Variants in CAMTA1 observed in about 807,000 individuals in gnomAD.
CAMTA1 encodes the protein calmodulin binding transcription activator 1.
CAMTA1 carries 27 observed loss-of-function variants against 170.9 expected under a neutral mutation model. The observed-to-expected ratio is 0.16, with a 90% CI of 0.12 to 0.22. The LOEUF is 0.22. CAMTA1 is among the 10% of genes least tolerant of loss of function. CAMTA1 has a pLI of 1.00. For missense variants in CAMTA1, 1,619 were observed against 2,217.2 expected, an observed-to-expected ratio of 0.73 and a Z score of 5.42; for synonymous variants, 833 against 891.5, an observed-to-expected ratio of 0.93 and a Z score of 1.17.
chr1:6,838,899 G>T lies in CAMTA1; in HGVS notation c.234+13689G>T, dbSNP rs956361513. 2.0e-5 allele frequency among the ~76,000 whole-genome samples: 3 copies of T among 152,182 alleles called. No individual in the cohort carries two copies. The East Asian group carries it at 5.8e-4, about 30-fold the overall frequency. ...AGCCTCCTGAATGGTTAGGACTACA[G>T]GCATGGGACACCATGCCTGGCAACG... is the stretch of plus-strand genomic sequence containing the variant. On this transcript the variant is annotated intron_variant, in intron 3 of 22. Transcript: ENST00000303635.
intron 5 of CAMTA1, among the ~76,000 whole-genome samples, chr1:7,387,943 T>C (rs1258671402): frequency 6.6e-6 from 1 of 152,082 alleles, no homozygotes; most frequent in Non-Finnish European, 1.5e-5. Context: ...GTTGGAGCGG[T>C]TTACTGGGGG....
intron 6 of CAMTA1, among the ~76,000 whole-genome samples, chr1:7,470,826 G>A (rs2093316816): frequency 1.3e-5 from 2 of 152,202 alleles, no homozygotes; most frequent in South Asian, 4.1e-4. Context: ...TGCTCCAGCT[G>A]ATGTCACCCA....
intron 6 of CAMTA1, among the ~76,000 whole-genome samples, chr1:7,548,416 G>A (rs556753758): frequency 6.3e-4 from 95 of 149,622 alleles, no homozygotes; most frequent in Middle Eastern, 3.6e-3. Context: ...GGAGGTGCCC[G>A]TGCAGGGTGC....
intron 4 of CAMTA1, among the ~76,000 whole-genome samples, chr1:7,162,228 G>C (rs1311469308): frequency 1.3e-5 from 2 of 152,188 alleles, no homozygotes; most frequent in African/African-American, 4.8e-5. Context: ...ATAGGTCATG[G>C]TAGGGAGCTA....
chr1:6,799,502 T>A lies in CAMTA1; in HGVS notation c.45+13927T>A, dbSNP rs572933058. ...CCTTTCTCTCCATGGCCTCCATACC[T>A]TCTTTTACCAGATGGTATTTCTGCA... On this transcript the variant is annotated intron_variant, in intron 1 of 22. Transcript: ENST00000303635. 1.1e-4 allele frequency among the ~76,000 whole-genome samples: 16 copies of A among 152,336 alleles called. No individual in the cohort carries two copies. In the Middle Eastern group the frequency reaches 0.014, roughly 130 times the overall value.
At chr1:6,947,849 A>G (rs1687826758) in intron 3 of CAMTA1, among the ~76,000 whole-genome samples, 2 of 152,082 alleles carry the variant, frequency 1.3e-5, no homozygotes, top group South Asian at 2.1e-4. Flanking sequence ...TGGAAATGCA[A>G]TTGATTTTTG....
chr1:6,976,250 G>A (rs1452862632), intron 3 of CAMTA1, among the ~76,000 whole-genome samples: 1 of 152,240 alleles, frequency 6.6e-6, no homozygotes, highest in Non-Finnish European at 1.5e-5. Context: ...CCGGAGAAGT[G>A]TGACTGCATG....
intron 5 of CAMTA1, among the ~76,000 whole-genome samples, chr1:7,265,993 G>A (rs1382460184): frequency 6.6e-6 from 1 of 152,242 alleles, no homozygotes; most frequent in East Asian, 1.9e-4. Context: ...GTAAGAAAGT[G>A]GAGCTCTCTT....
intron 3 of CAMTA1, among the ~76,000 whole-genome samples, chr1:6,889,261 ACT>A (rs1349153509): frequency 1.3e-5 from 2 of 152,178 alleles, no homozygotes; most frequent in Non-Finnish European, 2.9e-5. Flanking sequence ...ATAATCTTAC[ACT>A]CTTATGAAAG....
rs2149311469 is a variant in CAMTA1, at chr1:7,251,279, T to C, written c.438+1653T>C. On this transcript the variant is annotated intron_variant, in intron 5 of 22. Coordinates refer to ENST00000303635, the MANE Select transcript of CAMTA1 (RefSeq NM_015215.4). This position sits in a 1 kb window ranked among gnomAD's most constrained non-coding sequence, Gnocchi z 5.1. Reference sequence around the variant, plus strand: ...ACAGTGTTCGTTTTCTTTCCTCATGTTATAAATTAGAGTTGTCACTGGATG... The same window carrying C: ...ACAGTGTTCGTTTTCTTTCCTCATGCTATAAATTAGAGTTGTCACTGGATG... Among the ~76,000 whole-genome samples the C allele has an allele frequency of 6.6e-6, 1 of 152,310 alleles. No individual in the cohort carries two copies. The highest frequency in any genetic ancestry group is 3.4e-3 in the Middle Eastern group (1 of 294).
At chr1:7,136,120 ACT>A (rs1251350397) in intron 4 of CAMTA1, among the ~76,000 whole-genome samples, 4 of 151,816 alleles carry the variant, frequency 2.6e-5, no homozygotes, top group African/African-American at 9.7e-5. Flanking sequence ...TCCACACACT[ACT>A]CTGTCCATAC....
chr1:7,189,748 A>C (rs1248519066), intron 4 of CAMTA1, among the ~76,000 whole-genome samples: 1 of 152,262 alleles, frequency 6.6e-6, no homozygotes, highest in Non-Finnish European at 1.5e-5. Context: ...AACTAAAAGT[A>C]GAACTACCAT....
At chr1:7,016,146 C>G (rs930281492) in intron 3 of CAMTA1, among the ~76,000 whole-genome samples, 5 of 152,212 alleles carry the variant, frequency 3.3e-5, no homozygotes, top group Admixed American at 1.3e-4. Context: ...CTCTGCTCTG[C>G]CACCATGGGT....
intron 3 of CAMTA1, among the ~76,000 whole-genome samples, chr1:6,977,088 G>A (rs1693572243): frequency 6.6e-6 from 1 of 152,136 alleles, no homozygotes; most frequent in Non-Finnish European, 1.5e-5. Context: ...TCTCGGGTCT[G>A]TCTTTATTAG....
rs754448608 is a variant in CAMTA1, at chr1:7,467,811, G to C, written c.439-19G>C. 2 of 1,604,404 alleles carry C rather than the reference G, an allele frequency of 1.2e-6. No homozygotes were observed. Among genetic ancestry groups the C allele is most frequent in the African/African-American group, 1.3e-5 (1 of 74,644 alleles). On this transcript the variant is annotated intron_variant, in intron 5 of 22. Transcript: ENST00000303635. ...CTTCCCTCTTTCCAACTGAATTCTC[G>C]TTTTTCCTCTCTCCCTAGTGCTTGT...
chr1:6,802,202 T>C (rs895069611), intron 1 of CAMTA1, among the ~76,000 whole-genome samples: 4 of 152,198 alleles, frequency 2.6e-5, no homozygotes, highest in Middle Eastern at 3.2e-3. Context: ...CTGGGCTTTT[T>C]CCATTCACAT....
intron 6 of CAMTA1, among the ~76,000 whole-genome samples, chr1:7,572,987 A>G (rs72867109): frequency 6.6e-6 from 1 of 152,132 alleles, no homozygotes; most frequent in South Asian, 2.1e-4. Context: ...CGGCGCCTGA[A>G]CTCACCAAAG....
intron 5 of CAMTA1, among the ~76,000 whole-genome samples, chr1:7,408,107 A>T (rs1478960274): frequency 2.6e-5 from 4 of 152,174 alleles, no homozygotes; most frequent in Admixed American, 2.6e-4. Flanking sequence ...TCCAGGAGGC[A>T]TCTCAGGGAC....
intron 6 of CAMTA1, among the ~76,000 whole-genome samples, chr1:7,546,874 A>G (rs1451314355): frequency 1.3e-5 from 2 of 152,166 alleles, no homozygotes; most frequent in East Asian, 1.9e-4. Context: ...TGACCACTTA[A>G]TTCAGGTGGT....
Sources: gnomAD v4.1 joint callset for allele counts (sites outside exome capture counted in the v4.1 genomes callset) on GRCh38, gnomAD v4.1.1 for gene constraint, Gnocchi (gnomAD v3.1) non-coding constraint, MANE v1.5 for transcripts, NCBI Gene and HGNC (gene_info 2026-07-23, HGNC 2026-07-21) for gene names.